The following RBFOX1 variants were observed in gnomAD, a reference collection of about 807,000 sequenced individuals.
The protein encoded by RBFOX1 is RNA binding fox-1 homolog 1.
RBFOX1 carries 8 observed loss-of-function variants against 57.7 expected under a neutral mutation model. The ratio of observed to expected loss-of-function variants is 0.14; its 90% confidence interval spans 0.08 to 0.25. The LOEUF (loss-of-function observed/expected upper bound fraction) is 0.25. Ranked by LOEUF, RBFOX1 falls within the 10% of genes least tolerant of loss-of-function variation. RBFOX1 has a pLI of 1.00. For synonymous variants in RBFOX1, 326 were observed against 222.4 expected (o/e 1.47, Z -4.15); for missense variants, 611 against 548.5 (o/e 1.11, Z -1.14).
intron 14 of RBFOX1, among the ~76,000 whole-genome samples, chr16:7,677,289 C>T (rs1377431397): frequency 6.6e-6 from 1 of 152,104 alleles, no homozygotes; most frequent in East Asian, 1.9e-4. Context: ...AGGTCTTATA[C>T]CCAATAAATC....
At chr16:6,234,840 C>G (rs889268448) in intron 1 of RBFOX1, among the ~76,000 whole-genome samples, 3 of 152,098 alleles carry the variant, frequency 2.0e-5, no homozygotes, top group African/African-American at 7.2e-5. Context: ...CACACAGGCA[C>G]ACATGCAGTG....
chr16:6,524,870 C>G (rs1041028474), intron 2 of RBFOX1, among the ~76,000 whole-genome samples: 4 of 152,164 alleles, frequency 2.6e-5, no homozygotes, highest in Non-Finnish European at 4.4e-5. Context: ...ATCTCCCTCT[C>G]TTTATAAGGA....
Position 6,299,374 on chromosome 16 carries a change from T to C in RBFOX1, c.-126-17621T>C, listed in dbSNP as rs187692195. Among the ~76,000 whole-genome samples the C allele has an allele frequency of 4.3e-4, 66 of 152,198 alleles. 1 individual carries two copies. The highest frequency in any genetic ancestry group is 2.9e-5 in the Non-Finnish European group (2 of 68,038). ...TAATTCTTTTAAATTCATCAATTCA[T>C]GTAATTCTAAAAATAGCGTTTTGAG... On this transcript the variant is annotated intron_variant, in intron 1 of 15. Transcript: ENST00000550418.
At chr16:5,404,881 A>T (rs192378844) in intron 1 of RBFOX1, among the ~76,000 whole-genome samples, 1 of 152,212 alleles carries the variant, frequency 6.6e-6, no homozygotes, top group Non-Finnish European at 1.5e-5. Flanking sequence ...CAGGAAAAGA[A>T]AGCTTTCCAG....
Position 6,450,839 on chromosome 16 carries a change from G to GTGTA in RBFOX1, c.-64+133783_-64+133784insGTAT, listed in dbSNP as rs1468033155. Among the ~76,000 whole-genome samples, 14 of 13,604 alleles carry GTGTA rather than the reference G, an allele frequency of 1.0e-3. 1 individual carries two copies. Among genetic ancestry groups the GTGTA allele is most frequent in the African/African-American group, 3.5e-3 (10 of 2,898 alleles). The allele number at this position is 13,604 out of a possible 152,430, so 8.9% of individuals were successfully genotyped here. A position where few individuals can be genotyped will look rare whatever the true frequency, so the allele number is the denominator to read the frequency against. On this transcript the variant is annotated intron_variant, in intron 2 of 15. Transcript: ENST00000550418. ...TATACATATATATATATATATATGT[G>GTGTA]TATATATATATATATATATATATAT...
At chr16:7,132,971 C>A (rs542915205) in intron 4 of RBFOX1, among the ~76,000 whole-genome samples, 1 of 152,252 alleles carries the variant, frequency 6.6e-6, no homozygotes, top group East Asian at 1.9e-4. Context: ...AAACTAGAGT[C>A]AGAAAACAAA....
At chr16:7,041,151 G>T (rs1311261511) in intron 3 of RBFOX1, among the ~76,000 whole-genome samples, 1 of 144,768 alleles carries the variant, frequency 6.9e-6, no homozygotes, top group Non-Finnish European at 1.5e-5. Flanking sequence ...GGTCAGGCTG[G>T]TGTCGAACAT....
At chr16:7,138,672 C>G (rs1321700109) in intron 4 of RBFOX1, among the ~76,000 whole-genome samples, 1 of 152,156 alleles carries the variant, frequency 6.6e-6, no homozygotes, top group East Asian at 1.9e-4. Context: ...ATGGGGAGGA[C>G]CTGCCTAATC....
chr16:7,148,656 T>A (rs1223903161), intron 4 of RBFOX1, among the ~76,000 whole-genome samples: 1 of 152,174 alleles, frequency 6.6e-6, no homozygotes, highest in Non-Finnish European at 1.5e-5. Context: ...GTAGTTTAAA[T>A]GGTCATTGAA....
chr16:6,154,119 G>A (rs565652203), intron 1 of RBFOX1, among the ~76,000 whole-genome samples: 7 of 152,182 alleles, frequency 4.6e-5, no homozygotes, highest in Non-Finnish European at 1.0e-4. Flanking sequence ...ATGTTCCTGC[G>A]TCATAATCTC....
chr16:5,774,329 A>G (rs1199010291), intron 3 of RBFOX1, among the ~76,000 whole-genome samples: 3 of 151,954 alleles, frequency 2.0e-5, no homozygotes, highest in African/African-American at 2.4e-5. Flanking sequence ...TGACATTTCT[A>G]TGTTAGTGGG....
intron 3 of RBFOX1, among the ~76,000 whole-genome samples, chr16:6,999,338 T>G (rs1387821748): frequency 6.6e-6 from 1 of 151,362 alleles, no homozygotes; most frequent in Non-Finnish European, 1.5e-5. Context: ...ATGACAGGCA[T>G]GAGCCGTTGT....
intron 3 of RBFOX1, among the ~76,000 whole-genome samples, chr16:6,986,840 G>C (rs970105509): frequency 6.6e-6 from 1 of 152,078 alleles, no homozygotes; most frequent in East Asian, 1.9e-4. Flanking sequence ...CACTTGTCTT[G>C]GTTGATGATT....
At chr16:6,982,173 C>G (rs535750420) in intron 3 of RBFOX1, among the ~76,000 whole-genome samples, 2 of 152,148 alleles carry the variant, frequency 1.3e-5, no homozygotes, top group Non-Finnish European at 2.9e-5. Flanking sequence ...ATTGTGTATT[C>G]TCTGGCATCC....
At chr16:7,064,218 G>C (rs746462860) in intron 4 of RBFOX1, among the ~76,000 whole-genome samples, 23 of 147,608 alleles carry the variant, frequency 1.6e-4, no homozygotes, top group Admixed American at 7.5e-4. Context: ...GCCTAGGCTG[G>C]AGTGCAGTGG....
chr16:7,424,415 A>G (rs1352487896), intron 4 of RBFOX1, among the ~76,000 whole-genome samples: 1 of 152,076 alleles, frequency 6.6e-6, no homozygotes, highest in African/African-American at 2.4e-5. Flanking sequence ...GGGCATCATC[A>G]CACCCAGCTA....
intron 3 of RBFOX1, among the ~76,000 whole-genome samples, chr16:5,650,515 G>C (rs2049201138): frequency 6.6e-6 from 1 of 152,190 alleles, no homozygotes; most frequent in Non-Finnish European, 1.5e-5. Flanking sequence ...ATTAGTTATA[G>C]GAAAATCAAT....
At chr16:7,087,648 C>T (rs2060195772) in intron 4 of RBFOX1, among the ~76,000 whole-genome samples, 1 of 152,006 alleles carries the variant, frequency 6.6e-6, no homozygotes, top group Non-Finnish European at 1.5e-5. Flanking sequence ...CATACAGTGC[C>T]ACTGAAGGAA....
At chr16:7,710,032 C>T (rs141676360) in intron 15 of RBFOX1, 27 of 1,005,968 alleles carry the variant, frequency 2.7e-5, no homozygotes, top group African/African-American at 2.4e-4. Flanking sequence ...AAACCATGGC[C>T]GGACAGTTCA....
Sources: allele counts gnomAD v4.1 joint callset (sites outside exome capture counted in the v4.1 genomes callset), GRCh38; gene constraint gnomAD v4.1.1; transcripts MANE v1.5; gene names NCBI Gene and HGNC (gene_info 2026-07-23, HGNC 2026-07-21).